The following CHST9 variants were observed in gnomAD, a reference collection of about 807,000 sequenced individuals.
CHST9 encodes carbohydrate sulfotransferase 9, also known as GalNAc-4-sulfotransferase 2.
CHST9 carries 41 observed loss-of-function variants against 44.4 expected under a neutral mutation model. The ratio of observed to expected loss-of-function variants is 0.92; its 90% CI spans 0.72 to 1.20. CHST9 has a LOEUF of 1.20. Ranked by LOEUF, CHST9 falls within the 50% of genes most tolerant of loss-of-function variation. The pLI is 0.00. For missense variants in CHST9, 504 were observed against 516.5 expected (o/e 0.98, Z 0.23); for synonymous variants, 171 against 178.4 (o/e 0.96, Z 0.33).
chr18:26,952,237 T>A, intron 4 of CHST9: 1 of 527,492 alleles, frequency 1.9e-6, no homozygotes, highest in Non-Finnish European at 3.8e-6. Flanking sequence ...CCCGGACTTC[T>A]GGCATCATCT....
In CHST9 at chr18:26,915,466, A is replaced by G. The variant is rs1236489588; in HGVS notation, c.*793T>C. ...AATTTCCCCCCTGCTCAATTAAACC[A>G]GAATTAGGAGCACATTTATATCTGA... On this transcript the variant is annotated 3_prime_UTR_variant, in exon 6 of 6. Coordinates refer to ENST00000618847, the MANE Select transcript of CHST9 (RefSeq NM_031422.6). The G allele has an allele frequency of 6.6e-6, 1 of 152,368 alleles. No homozygotes were observed. The allele number at this position is 152,368 out of a possible 1,614,324, so 9.4% of individuals were successfully genotyped here. A position where few individuals can be genotyped will look rare whatever the true frequency, so the allele number is the denominator to read the frequency against.
intron 2 of CHST9, among the ~76,000 whole-genome samples, chr18:27,108,026 A>G (rs1015378031): frequency 6.6e-6 from 1 of 152,118 alleles, no homozygotes; most frequent in African/African-American, 2.4e-5. Flanking sequence ...TCTTCCATTT[A>G]TCCTAAGCAG....
intron 2 of CHST9, among the ~76,000 whole-genome samples, chr18:27,130,788 T>C (rs2058464592): frequency 6.6e-6 from 1 of 152,196 alleles, no homozygotes; most frequent in African/African-American, 2.4e-5. Context: ...CTGAGAGCTA[T>C]ATATATCAAT....
chr18:27,071,783 G>A (rs1029526607), intron 2 of CHST9, among the ~76,000 whole-genome samples: 6 of 152,150 alleles, frequency 3.9e-5, no homozygotes, highest in African/African-American at 1.4e-4. Context: ...CAAATAATGA[G>A]CAGGCATTAA....
intron 4 of CHST9, among the ~76,000 whole-genome samples, chr18:27,002,604 G>A (rs1429305882): frequency 2.0e-5 from 3 of 152,166 alleles, no homozygotes; most frequent in African/African-American, 7.2e-5. Flanking sequence ...TTGCCTAACT[G>A]TAGGCTAATG....
At chr18:27,139,094 C>T (rs2058541846) in intron 2 of CHST9, among the ~76,000 whole-genome samples, 1 of 152,028 alleles carries the variant, frequency 6.6e-6, no homozygotes, top group Non-Finnish European at 1.5e-5. Context: ...ACCAGTATAT[C>T]AGAGCATATT....
chr18:26,973,844 G>A (rs902085634), intron 4 of CHST9, among the ~76,000 whole-genome samples: 7 of 152,064 alleles, frequency 4.6e-5, no homozygotes, highest in African/African-American at 9.7e-5. Flanking sequence ...TGGTGCCTAC[G>A]GGCTCAAGGA....
intron 3 of CHST9, among the ~76,000 whole-genome samples, chr18:27,037,095 G>A (rs1389560118): frequency 6.6e-6 from 1 of 152,090 alleles, no homozygotes; most frequent in Non-Finnish European, 1.5e-5. Flanking sequence ...ATTGTGTCAC[G>A]TAGTATATTG....
chr18:27,091,070 A>C (rs2058063794), intron 2 of CHST9, among the ~76,000 whole-genome samples: 1 of 152,106 alleles, frequency 6.6e-6, no homozygotes, highest in African/African-American at 2.4e-5. Context: ...GATTCTTCCT[A>C]TTCATGAGCA....
At chr18:26,979,687 T>G (rs908495557) in intron 4 of CHST9, among the ~76,000 whole-genome samples, 1 of 152,148 alleles carries the variant, frequency 6.6e-6, no homozygotes, top group African/African-American at 2.4e-5. Context: ...AGGAGCCACG[T>G]CTATTTGTCT....
Position 26,912,890 on chromosome 18 carries a change from A to G in CHST9, c.*3369T>C, listed in dbSNP as rs1312855796. 6.6e-6 allele frequency: 1 copy of G among 152,224 alleles called. No homozygotes were observed. Among genetic ancestry groups the G allele is most frequent in the Non-Finnish European group, 1.5e-5 (1 of 68,038 alleles). 9.4% of individuals were successfully genotyped at this position (152,224 alleles called of 1,614,324 possible). On this transcript the variant is annotated 3_prime_UTR_variant, in exon 6 of 6. Coordinates refer to ENST00000618847, the MANE Select transcript of CHST9 (RefSeq NM_031422.6). ...AAGGTTCTCAGGTAGTTGAGCTATA[A>G]TTAAACGCCTTTGGCCAATCCTTTT...
At chr18:26,917,465 A>G (rs2055558497) in intron 5 of CHST9, 115 bp from the exon 6 acceptor site, 6 of 1,221,956 alleles carry the variant, frequency 4.9e-6, no homozygotes, top group Non-Finnish European at 5.7e-6. Context: ...TATTTCATAT[A>G]AGCTGCCAGA....
In CHST9 at chr18:27,131,369, G is replaced by A. The variant is rs12959452; in HGVS notation, c.121+11320C>T. Among the ~76,000 whole-genome samples the A allele has an allele frequency of 2.0e-3, 302 of 151,680 alleles. 1 individual carries two copies. Among genetic ancestry groups the A allele is most frequent in the Non-Finnish European group, 3.6e-3 (248 of 68,014 alleles). ...GTTCGAGACCAGCCTGGCCAACATG[G>A]TGAAACCCCATCTCTAATAAAAATA... On this transcript the variant is annotated intron_variant, in intron 2 of 5. Coordinates refer to ENST00000618847, the MANE Select transcript of CHST9 (RefSeq NM_031422.6).
intron 1 of CHST9, among the ~76,000 whole-genome samples, chr18:27,182,896 A>C (rs1374357734): frequency 6.6e-6 from 1 of 152,218 alleles, no homozygotes; most frequent in Non-Finnish European, 1.5e-5. Flanking sequence ...CTGAATTTGG[A>C]ATTTGTAAGA....
At chr18:26,987,832 G>A (rs942751081) in intron 4 of CHST9, among the ~76,000 whole-genome samples, 1 of 152,114 alleles carries the variant, frequency 6.6e-6, no homozygotes, top group African/African-American at 2.4e-5. Context: ...GTGAGGACCC[G>A]AAGAGAAATT....
intron 4 of CHST9, among the ~76,000 whole-genome samples, chr18:27,012,003 G>A (rs941514664): frequency 6.6e-5 from 10 of 152,206 alleles, no homozygotes; most frequent in African/African-American, 2.4e-4. Context: ...AGGCCCACAT[G>A]TATCTAGTTG....
chr18:27,183,524 G>A (rs1479705193), intron 1 of CHST9, among the ~76,000 whole-genome samples: 2 of 152,146 alleles, frequency 1.3e-5, no homozygotes, highest in Admixed American at 6.5e-5. Flanking sequence ...GTACTGTAAT[G>A]AAGGGGATAA....
chr18:27,025,500 C>T (rs952361684), intron 3 of CHST9, among the ~76,000 whole-genome samples: 1 of 152,114 alleles, frequency 6.6e-6, no homozygotes, highest in African/African-American at 2.4e-5. Context: ...CCAGTTTACA[C>T]TTGCATCAAT....
intron 4 of CHST9, among the ~76,000 whole-genome samples, chr18:26,990,563 C>T (rs2056804715): frequency 1.3e-5 from 2 of 152,036 alleles, no homozygotes; most frequent in Admixed American, 6.6e-5. Flanking sequence ...TTAAAACTCT[C>T]CATCAATTAA....
Sources: allele counts gnomAD v4.1 joint callset (sites outside exome capture counted in the v4.1 genomes callset), GRCh38; gene constraint gnomAD v4.1.1; transcripts MANE v1.5; gene names NCBI Gene and HGNC (gene_info 2026-07-23, HGNC 2026-07-21).